Variants in KANK1 observed in about 807,000 individuals in gnomAD.
KANK1 encodes the protein KN motif and ankyrin repeat domain-containing protein 1.
Under a neutral mutation model 106.2 loss-of-function variants are expected in KANK1, and 109 were observed. That is an observed-to-expected ratio of 1.03 (90% confidence interval 0.88 to 1.20). KANK1 has a LOEUF of 1.20. Ranked by LOEUF, KANK1 falls within the 50% of genes most tolerant of loss-of-function variation. KANK1 has a pLI of 0.00. For missense variants in KANK1, 2,399 were observed against 1,710.7 expected, an observed-to-expected ratio of 1.40 and a Z score of -7.10; for synonymous variants, 873 against 652.2, an observed-to-expected ratio of 1.34 and a Z score of -5.16.
At chr9:741,011 G>T (rs141423208) in intron 9 of KANK1, 77 bp downstream of exon 9, 270 of 1,532,796 alleles carry the variant, frequency 1.8e-4, no homozygotes, top group Non-Finnish European at 1.7e-4. Context: ...TTCTGGCAGA[G>T]CAGGCATAGA....
intron 1 of KANK1, among the ~76,000 whole-genome samples, chr9:646,304 C>T (rs1839657499): frequency 6.6e-6 from 1 of 150,514 alleles, no homozygotes; most frequent in African/African-American, 2.5e-5. Context: ...CAAGACCAGT[C>T]TGGGCAACAT....
At chr9:709,706 C>A (rs1466790581) in intron 2 of KANK1, among the ~76,000 whole-genome samples, 1 of 151,758 alleles carries the variant, frequency 6.6e-6, no homozygotes, top group African/African-American at 2.4e-5. Context: ...ACCTCCACCT[C>A]CTGGATTCAA....
intron 3 of KANK1, among the ~76,000 whole-genome samples, chr9:727,091 A>G (rs1024771607): frequency 2.0e-5 from 3 of 152,252 alleles, no homozygotes; most frequent in Admixed American, 6.5e-5. Flanking sequence ...TAATGGCCAT[A>G]TAGAATTCCT....
intron 1 of KANK1, among the ~76,000 whole-genome samples, chr9:602,513 C>T (rs1295131584): frequency 6.6e-6 from 1 of 151,790 alleles, no homozygotes; most frequent in Non-Finnish European, 1.5e-5. Flanking sequence ...CTGCCTCAGC[C>T]TCCCAAAGTG....
intron 1 of KANK1, among the ~76,000 whole-genome samples, chr9:569,450 C>T (rs183296728): frequency 6.6e-6 from 1 of 151,960 alleles, no homozygotes; most frequent in Non-Finnish European, 1.5e-5. Context: ...GAGGAAGGGA[C>T]CTGAGCTAGC....
At chr9:704,441 A>G (rs952209243) in intron 2 of KANK1, among the ~76,000 whole-genome samples, 4 of 152,216 alleles carry the variant, frequency 2.6e-5, no homozygotes, top group East Asian at 3.8e-4. Flanking sequence ...AAAGAAGAAC[A>G]TAGGTGAAAG....
chr9:557,174 C>T (rs942688730), intron 1 of KANK1, among the ~76,000 whole-genome samples: 1 of 138,250 alleles, frequency 7.2e-6, no homozygotes, highest in Non-Finnish European at 1.5e-5. Flanking sequence ...CAGAGCAAGA[C>T]CATGTCTCAA....
intron 1 of KANK1, among the ~76,000 whole-genome samples, chr9:664,773 C>G (rs973928108): frequency 6.6e-6 from 1 of 152,170 alleles, no homozygotes; most frequent in African/African-American, 2.4e-5. Flanking sequence ...AGTGGCTGTA[C>G]TAATTTACAT....
upstream of KANK1, among the ~76,000 whole-genome samples, chr9:502,244 G>GT (rs61553364): frequency 1 from 152,304 of 152,306 alleles, 76,151 homozygotes; most frequent in Non-Finnish European, 1. Flanking sequence ...GGATGTCAAT[G>GT]TCTGGAATTA....
At position 700,517 on chromosome 9, in the gene KANK1, C is replaced by G. The variant is rs75366801; in HGVS notation, c.38-10287C>G. On this transcript the variant is annotated intron_variant, in intron 2 of 11. Coordinates refer to ENST00000382297, the MANE Select transcript of KANK1 (RefSeq NM_015158.5). ...GAGTAATTAGCTTCATGAGAACTTG[C>G]CTCTCTTCCTGAGTTCATCCTACTG... Among the ~76,000 whole-genome samples the G allele has an allele frequency of 7.9e-3, 1,205 of 152,274 alleles. 22 individuals are homozygous for G. The highest frequency in any genetic ancestry group is 0.027 in the African/African-American group (1,140 of 41,544).
intron 1 of KANK1, among the ~76,000 whole-genome samples, chr9:610,592 C>T (rs1830330824): frequency 6.6e-6 from 1 of 152,172 alleles, no homozygotes; most frequent in Non-Finnish European, 1.5e-5. Flanking sequence ...TAAATGATGT[C>T]CATGCCCCCT....
chr9:593,508 A>G (rs2135614696), intron 1 of KANK1, among the ~76,000 whole-genome samples: 1 of 142,860 alleles, frequency 7.0e-6, no homozygotes, highest in Non-Finnish European at 1.5e-5. Context: ...ACTTTGTTAT[A>G]CACCTCAGTG....
intron 2 of KANK1, among the ~76,000 whole-genome samples, chr9:702,929 C>G (rs1248057486): frequency 1.3e-5 from 2 of 152,098 alleles, no homozygotes; most frequent in African/African-American, 4.8e-5. Context: ...CTGTTTTGAT[C>G]ACTAGTTTAC....
chr9:744,251 T>C (rs1168836346), intron 10 of KANK1, among the ~76,000 whole-genome samples: 1 of 152,218 alleles, frequency 6.6e-6, no homozygotes, highest in African/African-American at 2.4e-5. Context: ...GTGGGCAGAA[T>C]GGTTGAGTAA....
chr9:734,778 A>AT lies in KANK1; in HGVS notation c.3277dup (p.Cys1093LeufsTer10), dbSNP rs1833314894. ...AATTAAGTGAAAAGATGTTGTCTGC[A>AT]TGCAACTTACTGAAAAATACTATAA... On this transcript the variant is annotated frameshift_variant, in exon 7 of 12. Transcript: ENST00000382297. LOFTEE classifies it high-confidence loss of function. The AT allele has an allele frequency of 1.2e-6, 2 of 1,613,524 alleles. No individual in the cohort carries two copies. Among genetic ancestry groups the AT allele is most frequent in the Non-Finnish European group, 1.7e-6 (2 of 1,179,404 alleles).
chr9:608,608 G>C (rs1829868771), intron 1 of KANK1, among the ~76,000 whole-genome samples: 1 of 149,162 alleles, frequency 6.7e-6, no homozygotes, highest in Non-Finnish European at 1.5e-5. Context: ...ACTTCGGGAG[G>C]AATGCCATCA....
intron 1 of KANK1, among the ~76,000 whole-genome samples, chr9:620,151 T>C (rs1439871461): frequency 6.6e-6 from 1 of 151,990 alleles, no homozygotes. Flanking sequence ...AAAAATTGTT[T>C]TGTTGTATTC....
At chr9:640,312 T>G (rs1041127039) in intron 1 of KANK1, among the ~76,000 whole-genome samples, 6 of 151,542 alleles carry the variant, frequency 4.0e-5, no homozygotes, top group Admixed American at 3.9e-4. Context: ...CTCGGCTCTC[T>G]GCAGCCTCCA....
At chr9:679,989 G>C (rs1381138399) in intron 2 of KANK1, among the ~76,000 whole-genome samples, 1 of 152,130 alleles carries the variant, frequency 6.6e-6, no homozygotes, top group African/African-American at 2.4e-5. Context: ...AACATTTAGA[G>C]AACCTAGATG....
Sources: allele counts gnomAD v4.1 joint callset (sites outside exome capture counted in the v4.1 genomes callset), GRCh38; gene constraint gnomAD v4.1.1; transcripts MANE v1.5; gene names NCBI Gene and HGNC (gene_info 2026-07-23, HGNC 2026-07-21).